Variants in FAM151B observed in about 807,000 individuals in gnomAD.
The protein encoded by FAM151B is family with sequence similarity 151 member B.
In FAM151B, 24 loss-of-function variants were observed where a neutral mutation model predicts 31.2. The observed-to-expected ratio is 0.77, with a 90% CI of 0.56 to 1.08. FAM151B has a LOEUF of 1.08. Ranked by LOEUF, FAM151B falls within the 50% of genes least tolerant of loss-of-function variation. The probability of loss-of-function intolerance (pLI) is 0.00; values close to 1 mark genes in which losing one functional copy is unlikely to be tolerated. For missense variants in FAM151B, 293 were observed against 328.6 expected (o/e 0.89, Z 0.84); for synonymous variants, 105 against 111.4 (o/e 0.94, Z 0.36).
chr5:80,505,496 A>G (rs1329481467), intron 2 of FAM151B, among the ~76,000 whole-genome samples: 21 of 147,262 alleles, frequency 1.4e-4, no homozygotes, highest in African/African-American at 4.6e-4. Context: ...CTGGGTTCAC[A>G]CCATTCTCCT....
At chr5:80,536,576 C>T (rs905822642) in intron 5 of FAM151B, among the ~76,000 whole-genome samples, 3 of 152,112 alleles carry the variant, frequency 2.0e-5, no homozygotes, top group East Asian at 1.9e-4. Flanking sequence ...ATCAGTGTAT[C>T]GGAGAGATAG....
chr5:80,528,655 G>A lies in FAM151B; in HGVS notation c.671+6517G>A, dbSNP rs145391279. On this transcript the variant is annotated intron_variant, in intron 5 of 5. Transcript: ENST00000282226. ...GCCTGTAATCCCAGCTGCTTGGGAG[G>A]CTGAGGTGGAGGCTGCAGTGAGCTA... Among the ~76,000 whole-genome samples, 789 of 152,062 alleles carry A rather than the reference G, an allele frequency of 5.2e-3. 5 individuals are homozygous for A. Among genetic ancestry groups the A allele is most frequent in the African/African-American group, 0.018 (742 of 41,484 alleles).
intron 3 of FAM151B, among the ~76,000 whole-genome samples, chr5:80,518,179 C>T (rs1233526264): frequency 6.6e-6 from 1 of 152,022 alleles, no homozygotes; most frequent in South Asian, 2.1e-4. Flanking sequence ...CTAAAAGGCT[C>T]CCTCCTGAAA....
chr5:80,492,641 C>T (rs991155139), intron 1 of FAM151B, among the ~76,000 whole-genome samples: 1 of 152,156 alleles, frequency 6.6e-6, no homozygotes, highest in African/African-American at 2.4e-5. Context: ...GAAGAGTCAC[C>T]TGTTTCTCAC....
chr5:80,531,893 A>C (rs1561379161), intron 5 of FAM151B, among the ~76,000 whole-genome samples: 1 of 152,178 alleles, frequency 6.6e-6, no homozygotes, highest in Non-Finnish European at 1.5e-5. Flanking sequence ...CTGGGTATAT[A>C]CCCAAAGGAT....
chr5:80,498,379 A>G (rs754822159), intron 1 of FAM151B, among the ~76,000 whole-genome samples: 7 of 151,968 alleles, frequency 4.6e-5, no homozygotes, highest in Admixed American at 6.6e-5. Flanking sequence ...AGTCCCATGT[A>G]TGTTAGTTAG....
At chr5:80,513,351 T>G (rs1744268350) in intron 2 of FAM151B, among the ~76,000 whole-genome samples, 1 of 152,230 alleles carries the variant, frequency 6.6e-6, no homozygotes. Flanking sequence ...AATTCAGAAT[T>G]TGTATGTCAA....
At chr5:80,532,384 A>T (rs1350966565) in intron 5 of FAM151B, among the ~76,000 whole-genome samples, 2 of 152,200 alleles carry the variant, frequency 1.3e-5, no homozygotes, top group African/African-American at 4.8e-5. Context: ...AAAAATGTCA[A>T]CACAAAAACT....
chr5:80,511,929 A>C (rs1744206762), intron 2 of FAM151B, among the ~76,000 whole-genome samples: 2 of 152,214 alleles, frequency 1.3e-5, no homozygotes, highest in Admixed American at 6.5e-5. Context: ...TTAAATGGTC[A>C]GCATTGTTTT....
intron 2 of FAM151B, among the ~76,000 whole-genome samples, chr5:80,509,176 G>T (rs1014266797): frequency 6.6e-6 from 1 of 151,202 alleles, no homozygotes; most frequent in Non-Finnish European, 1.5e-5. Flanking sequence ...ATGAGGTCTC[G>T]CTATGTTGCC....
intron 5 of FAM151B, among the ~76,000 whole-genome samples, chr5:80,539,692 G>A (rs1745781477): frequency 1.3e-5 from 2 of 151,350 alleles, no homozygotes; most frequent in South Asian, 2.1e-4. Context: ...TGGTTTCACC[G>A]TGTTACCCAG....
chr5:80,488,736 AT>A lies in FAM151B; in HGVS notation c.25+595del, dbSNP rs889721272. 3.9e-5 allele frequency among the ~76,000 whole-genome samples: 6 copies of A among 152,142 alleles called. No homozygotes were observed. In the East Asian group the frequency reaches 9.6e-4, roughly 24 times the overall value. On this transcript the variant is annotated intron_variant, in intron 1 of 5. Transcript: ENST00000282226. ...GTGACGCGTTCTTTCTTCAGTTTAGATTTTTTTCCCTAATTGTAAAAATAAT... is the reference window on the plus strand; with the variant it reads ...GTGACGCGTTCTTTCTTCAGTTTAGATTTTTTCCCTAATTGTAAAAATAAT...
intron 5 of FAM151B, among the ~76,000 whole-genome samples, chr5:80,532,601 A>G (rs1745293530): frequency 6.6e-6 from 1 of 152,366 alleles, no homozygotes; most frequent in East Asian, 1.9e-4. Flanking sequence ...TTCCAGATAG[A>G]AAATCAGTAA....
chr5:80,522,944 T>C (rs1371276294), intron 5 of FAM151B, among the ~76,000 whole-genome samples: 6 of 152,104 alleles, frequency 3.9e-5, no homozygotes, highest in African/African-American at 2.4e-5. Flanking sequence ...GAATCTATCA[T>C]GGAACTTAGT....
chr5:80,527,755 T>C (rs917303755), intron 5 of FAM151B, among the ~76,000 whole-genome samples: 2 of 152,178 alleles, frequency 1.3e-5, no homozygotes, highest in Admixed American at 6.5e-5. Flanking sequence ...GGTAAATGAA[T>C]GTGAAGGCCT....
At chr5:80,489,691 G>A (rs918473084) in intron 1 of FAM151B, among the ~76,000 whole-genome samples, 1 of 152,200 alleles carries the variant, frequency 6.6e-6, no homozygotes, top group Admixed American at 6.5e-5. Context: ...TTGGGAGGCC[G>A]AGGTGGGCGG....
At chr5:80,504,627 C>T (rs1176655583) in intron 2 of FAM151B, among the ~76,000 whole-genome samples, 1 of 149,870 alleles carries the variant, frequency 6.7e-6, no homozygotes, top group Non-Finnish European at 1.5e-5. Flanking sequence ...TTCAAGCCAT[C>T]CTCCTGCCTC....
intron 5 of FAM151B, among the ~76,000 whole-genome samples, chr5:80,529,067 C>A (rs1220203555): frequency 2.0e-5 from 3 of 152,190 alleles, no homozygotes; most frequent in Non-Finnish European, 1.5e-5. Flanking sequence ...CAAACTACAA[C>A]TCAGGATTAA....
At chr5:80,500,611 G>T in intron 1 of FAM151B, 1 of 759,910 alleles carries the variant, frequency 1.3e-6, no homozygotes, top group Non-Finnish European at 2.4e-6. Flanking sequence ...TTGTCCTCAG[G>T]ATCAGAGGTG....
Sources: gnomAD v4.1 joint callset for allele counts (sites outside exome capture counted in the v4.1 genomes callset) on GRCh38, gnomAD v4.1.1 for gene constraint, MANE v1.5 for transcripts, NCBI Gene and HGNC (gene_info 2026-07-23, HGNC 2026-07-21) for gene names.